GPC5: variants seen among roughly 807,000 people sequenced by gnomAD.
The protein encoded by GPC5 is glypican 5.
GPC5 carries 47 observed loss-of-function variants against 53.9 expected under a neutral mutation model. The ratio of observed to expected loss-of-function variants is 0.87; its 90% CI spans 0.69 to 1.11. The LOEUF (loss-of-function observed/expected upper bound fraction) is 1.11. Ranked by LOEUF, GPC5 falls within the 50% of genes most tolerant of loss-of-function variation. The probability of loss-of-function intolerance (pLI) is 0.00; values close to 1 mark genes in which losing one functional copy is unlikely to be tolerated. For missense variants in GPC5, 748 were observed against 713.1 expected (o/e 1.05, Z -0.56); for synonymous variants, 286 against 263.3 (o/e 1.09, Z -0.84).
intron 6 of GPC5, among the ~76,000 whole-genome samples, chr13:91,908,589 T>C (rs2039579432): frequency 6.6e-6 from 1 of 152,162 alleles, no homozygotes; most frequent in African/African-American, 2.4e-5. Flanking sequence ...TCTTCAATAA[T>C]GTTTTTCATC....
At chr13:91,821,305 C>T (rs1456222083) in intron 5 of GPC5, among the ~76,000 whole-genome samples, 1 of 152,162 alleles carries the variant, frequency 6.6e-6, no homozygotes, top group East Asian at 1.9e-4. Context: ...CAATTTAATA[C>T]ATATGTCAAG....
chr13:91,865,961 G>C (rs1330050188), intron 5 of GPC5, among the ~76,000 whole-genome samples: 1 of 152,154 alleles, frequency 6.6e-6, no homozygotes, highest in African/African-American at 2.4e-5. Context: ...TCTGCCTCCT[G>C]GGTTAAAGTG....
chr13:91,780,138 A>G (rs1445529935), intron 5 of GPC5, among the ~76,000 whole-genome samples: 2 of 152,152 alleles, frequency 1.3e-5, no homozygotes, highest in Non-Finnish European at 2.9e-5. Flanking sequence ...GGCTATAGGA[A>G]TTTTTCAGCT....
intron 7 of GPC5, among the ~76,000 whole-genome samples, chr13:92,639,491 G>A (rs547349068): frequency 7.9e-5 from 12 of 152,266 alleles, no homozygotes; most frequent in Admixed American, 6.5e-4. Context: ...TTGAGTGGCT[G>A]GATATCTTGA....
At chr13:91,971,882 C>A in intron 6 of GPC5, among the ~76,000 whole-genome samples, 1 of 152,072 alleles carries the variant, frequency 6.6e-6, no homozygotes, top group East Asian at 1.9e-4. Flanking sequence ...TGCTTTACTT[C>A]CAACTATGTG....
chr13:92,734,383 T>C (rs2139302578), intron 7 of GPC5, among the ~76,000 whole-genome samples: 1 of 151,946 alleles, frequency 6.6e-6, no homozygotes, highest in East Asian at 1.9e-4. Flanking sequence ...CTGGCTATGA[T>C]ACAAAAAGCA....
intron 7 of GPC5, among the ~76,000 whole-genome samples, chr13:92,364,105 T>C (rs1321048557): frequency 6.6e-6 from 1 of 151,732 alleles, no homozygotes; most frequent in African/African-American, 2.4e-5. Flanking sequence ...CTAGCTACAC[T>C]GTATGTCAGA....
intron 3 of GPC5, among the ~76,000 whole-genome samples, chr13:91,728,274 T>G (rs2140006661): frequency 6.6e-6 from 1 of 152,316 alleles, no homozygotes; most frequent in East Asian, 1.9e-4. Context: ...TATAGTTGTC[T>G]GATTTTGCGT....
intron 6 of GPC5, among the ~76,000 whole-genome samples, chr13:92,021,348 A>T (rs141259689): frequency 1.3e-3 from 191 of 152,348 alleles, no homozygotes; most frequent in African/African-American, 3.7e-3. Context: ...CCTAGAGGAC[A>T]TTATGCTAAA....
chr13:91,992,719 G>A (rs1360030770), intron 6 of GPC5, among the ~76,000 whole-genome samples: 1 of 151,550 alleles, frequency 6.6e-6, no homozygotes, highest in Non-Finnish European at 1.5e-5. Flanking sequence ...TCCTCCCAAA[G>A]TTCTGGGATT....
At chr13:92,105,498 T>G (rs1303623891) in intron 6 of GPC5, among the ~76,000 whole-genome samples, 16 of 152,080 alleles carry the variant, frequency 1.1e-4, no homozygotes, top group Admixed American at 1.0e-3. Context: ...AATAGGAAAG[T>G]GAAGCTTGAA....
chr13:91,486,457 G>A (rs1039866898), intron 2 of GPC5: 1 of 152,056 alleles, frequency 6.6e-6, no homozygotes, highest in Non-Finnish European at 1.5e-5. Flanking sequence ...TTTCTTTAGG[G>A]GTCTTTCTGG....
intron 6 of GPC5, among the ~76,000 whole-genome samples, chr13:92,082,628 G>A (rs1454644277): frequency 6.6e-6 from 1 of 152,116 alleles, no homozygotes; most frequent in African/African-American, 2.4e-5. Context: ...CAGCATTAAA[G>A]CTAAAAAGGA....
At chr13:92,400,624 G>A (rs774043766) in intron 7 of GPC5, among the ~76,000 whole-genome samples, 21 of 152,224 alleles carry the variant, frequency 1.4e-4, no homozygotes, top group Non-Finnish European at 2.9e-4. Context: ...CTTTTACTCT[G>A]CAATAAGAAG....
At chr13:92,244,746 T>A (rs921576074) in intron 7 of GPC5, among the ~76,000 whole-genome samples, 1 of 152,040 alleles carries the variant, frequency 6.6e-6, no homozygotes, top group Non-Finnish European at 1.5e-5. Flanking sequence ...AGAGTTAAAA[T>A]TGCATATTGT....
intron 4 of GPC5, among the ~76,000 whole-genome samples, chr13:91,743,027 T>G (rs1214699753): frequency 6.6e-6 from 1 of 152,158 alleles, no homozygotes; most frequent in Non-Finnish European, 1.5e-5. Context: ...ATGTATGTAA[T>G]TATTACCGTG....
At chr13:92,810,272 A>C (rs562883662) in intron 7 of GPC5, among the ~76,000 whole-genome samples, 10 of 151,692 alleles carry the variant, frequency 6.6e-5, no homozygotes, top group South Asian at 4.1e-4. Context: ...TTAGAAAAGA[A>C]TTAGTCCCGT....
At chr13:92,539,247 C>G (rs1881844887) in intron 7 of GPC5, among the ~76,000 whole-genome samples, 2 of 151,918 alleles carry the variant, frequency 1.3e-5, no homozygotes, top group East Asian at 2.0e-4. Context: ...AATCGCCACA[C>G]TGTCTTCCAC....
intron 7 of GPC5, among the ~76,000 whole-genome samples, chr13:92,506,245 A>G (rs1880364801): frequency 6.6e-6 from 1 of 152,126 alleles, no homozygotes; most frequent in East Asian, 1.9e-4. Context: ...ACTTTAAGAG[A>G]AGTAGAATCA....
Sources: allele counts gnomAD v4.1 joint callset (sites outside exome capture counted in the v4.1 genomes callset), GRCh38; gene constraint gnomAD v4.1.1; transcripts MANE v1.5; gene names NCBI Gene and HGNC (gene_info 2026-07-23, HGNC 2026-07-21).